Variants in WDFY3 observed in about 807,000 individuals in gnomAD.
WDFY3 encodes WD repeat and FYVE domain-containing protein 3.
WDFY3 carries 66 observed loss-of-function variants against 409.6 expected under a neutral mutation model. That is an observed-to-expected ratio of 0.16 (90% CI 0.13 to 0.20). WDFY3 has a LOEUF of 0.20. Ranked by LOEUF, WDFY3 falls within the 10% of genes least tolerant of loss-of-function variation. The pLI is 1.00. For synonymous variants in WDFY3, 1,521 were observed against 1,537.1 expected (o/e 0.99, Z 0.25); for missense variants, 3,031 against 4,298.1 (o/e 0.71, Z 8.24).
In WDFY3 at chr4:84,966,682, T is replaced by C. The variant is rs140577986; in HGVS notation, c.-699A>G. 6.4e-6 allele frequency: 1 copy of C among 156,094 alleles called. No individual in the cohort carries two copies. Among genetic ancestry groups the C allele is most frequent in the Admixed American group, 6.5e-5 (1 of 15,298 alleles). 9.7% of individuals were successfully genotyped at this position (156,094 alleles called of 1,614,324 possible). ...TCCTCCTGCTTTCTCCACCTCCCGCTGGCTGTCTGACTGACTGACTGGATC... is the reference window on the plus strand; with the variant it reads ...TCCTCCTGCTTTCTCCACCTCCCGCCGGCTGTCTGACTGACTGACTGGATC... On this transcript the variant is annotated 5_prime_UTR_variant, in exon 1 of 68. Coordinates refer to ENST00000295888, the MANE Select transcript of WDFY3 (RefSeq NM_014991.6).
intron 3 of WDFY3, among the ~76,000 whole-genome samples, chr4:84,868,823 A>C (rs565791063): frequency 9.8e-5 from 15 of 152,314 alleles, no homozygotes; most frequent in Non-Finnish European, 1.9e-4. Flanking sequence ...TAATAGTTAA[A>C]AGGCAGTTAG....
chr4:84,825,625 T>G (rs1030830382), intron 10 of WDFY3, among the ~76,000 whole-genome samples: 3 of 152,276 alleles, frequency 2.0e-5, no homozygotes, highest in Middle Eastern at 3.4e-3. Context: ...ACTTATGTAC[T>G]GAGGGCACAT....
chr4:84,752,991 A>G (rs956832201), intron 35 of WDFY3, among the ~76,000 whole-genome samples: 2 of 152,182 alleles, frequency 1.3e-5, no homozygotes, highest in Non-Finnish European at 2.9e-5. Flanking sequence ...ATGTCAACTG[A>G]ACTATTAGTT....
intron 61 of WDFY3, among the ~76,000 whole-genome samples, chr4:84,689,650 C>T (rs1004736126): frequency 1.3e-5 from 2 of 152,128 alleles, no homozygotes; most frequent in Admixed American, 1.3e-4. Context: ...TGAAGTCAGA[C>T]AGAACTTAAT....
chr4:84,696,644 G>A (rs1049984840), intron 57 of WDFY3, 88 bp downstream of exon 57: 20 of 1,317,654 alleles, frequency 1.5e-5, no homozygotes, highest in Admixed American at 1.1e-4. Flanking sequence ...TAACAAACAG[G>A]TGGTACTCTG....
chr4:84,863,084 C>T (rs552154098), intron 3 of WDFY3, among the ~76,000 whole-genome samples: 95 of 152,300 alleles, frequency 6.2e-4, no homozygotes, highest in South Asian at 1.4e-3. Context: ...GTGCTGCACA[C>T]GCACACATAC....
At chr4:84,699,440 A>T (rs1417506563) in intron 56 of WDFY3, among the ~76,000 whole-genome samples, 1 of 152,202 alleles carries the variant, frequency 6.6e-6, no homozygotes, top group Non-Finnish European at 1.5e-5. Context: ...ATATGCTACA[A>T]CTGGTTTATC....
intron 58 of WDFY3, 110 bp downstream of exon 58, chr4:84,695,860 G>C (rs1315866058): frequency 2.0e-6 from 2 of 1,016,034 alleles, no homozygotes; most frequent in Non-Finnish European, 2.9e-6. Context: ...GATATTTATG[G>C]CTCTTTATTA....
At position 84,717,024 on chromosome 4, in the gene WDFY3, C is replaced by A; in HGVS notation, c.7755-8G>T. 6.4e-7 allele frequency: 1 copy of A among 1,560,960 alleles called. No homozygotes were observed. Among genetic ancestry groups the A allele is most frequent in the Non-Finnish European group, 8.6e-7 (1 of 1,156,180 alleles). On this transcript the variant is annotated splice_region_variant and splice_polypyrimidine_tract_variant and intron_variant, in intron 48 of 67. Coordinates refer to ENST00000295888, the MANE Select transcript of WDFY3 (RefSeq NM_014991.6). ...ATAATAGGCTCATGCATACTACAGG[C>A]AGCCAAGAGAAAAAGCAAATAAAAA...
intron 3 of WDFY3, among the ~76,000 whole-genome samples, chr4:84,867,729 G>A (rs1761588747): frequency 6.6e-6 from 1 of 152,174 alleles, no homozygotes; most frequent in African/African-American, 2.4e-5. Flanking sequence ...GTAACTAGCT[G>A]CGTTTGAGTA....
rs1248682686 is a variant in WDFY3 at position 84,774,923 on chromosome 4, G to C, written c.4651C>G (p.Leu1551Val). ...REFQLIPKLL[L>V]TLRDMSLSQP... ...GATAAAGACATATCTCGAAGAGTCAGGAGCAGCTTTGGGATTAACTGGAAT... is the reference window on the plus strand; with the variant it reads ...GATAAAGACATATCTCGAAGAGTCACGAGCAGCTTTGGGATTAACTGGAAT... The change falls in exon 29 of 68, where the codon CTG becomes GTG. Residue 1551 changes from leucine to valine, a missense_variant. Coordinates refer to ENST00000295888, the MANE Select transcript of WDFY3 (RefSeq NM_014991.6). 1 of 1,613,968 alleles carries C rather than the reference G, an allele frequency of 6.2e-7. No individual in the cohort carries two copies. The highest frequency in any genetic ancestry group is 1.1e-5 in the South Asian group (1 of 91,072).
At chr4:84,830,396 T>C (rs1755527060) in intron 8 of WDFY3, among the ~76,000 whole-genome samples, 1 of 152,202 alleles carries the variant, frequency 6.6e-6, no homozygotes, top group African/African-American at 2.4e-5. Flanking sequence ...TGTTAGATGA[T>C]CTTACCCAAC....
chr4:84,830,496 C>T (rs181557893), intron 8 of WDFY3, among the ~76,000 whole-genome samples: 81 of 152,250 alleles, frequency 5.3e-4, no homozygotes, highest in African/African-American at 1.9e-3. Context: ...AATGCGTTTT[C>T]GACTTACACT....
intron 6 of WDFY3, among the ~76,000 whole-genome samples, chr4:84,840,497 C>T (rs957218417): frequency 6.6e-6 from 1 of 152,194 alleles, no homozygotes; most frequent in South Asian, 2.1e-4. Context: ...TGGCCTGGGC[C>T]TGATGGACCC....
chr4:84,741,448 G>A (rs1050020360), intron 38 of WDFY3, among the ~76,000 whole-genome samples: 2 of 151,696 alleles, frequency 1.3e-5, no homozygotes, highest in Non-Finnish European at 2.9e-5. Flanking sequence ...CCAAGTAGCT[G>A]GAATTACAGG....
intron 7 of WDFY3, among the ~76,000 whole-genome samples, chr4:84,836,602 A>G (rs569088355): frequency 6.6e-6 from 1 of 152,166 alleles, no homozygotes; most frequent in African/African-American, 2.4e-5. Context: ...ACATTATAAG[A>G]AATATTATCC....
At position 84,741,843 on chromosome 4, in the gene WDFY3, C is replaced by T. The variant is rs368178527; in HGVS notation, c.6152G>A (p.Arg2051His). 3.7e-6 allele frequency: 6 copies of T among 1,613,302 alleles called. No homozygotes were observed. The highest frequency in any genetic ancestry group is 2.2e-5 in the East Asian group (1 of 44,858). Reference protein sequence around the residue: ...LVNNVFYFTQRVVDKLWQGMF... With the variant: ...LVNNVFYFTQHVVDKLWQGMF... ...GCCTTGCCAAAGCTTGTCCACCACACGCTGTGTGAAATAAAACACATTGTT... is the reference window on the plus strand; with the variant it reads ...GCCTTGCCAAAGCTTGTCCACCACATGCTGTGTGAAATAAAACACATTGTT... Residue 2051 changes from arginine to histidine, a missense_variant, in exon 38 of 68, where the codon CGT (arginine) becomes CAT (histidine). Around this residue, in one of 16 missense-constraint regions of WDFY3, gnomAD observed 314 missense variants for 397.4 expected, o/e 0.79. Transcript: ENST00000295888.
In WDFY3 at chr4:84,789,859, C is replaced by G. The variant is rs904682109; in HGVS notation, c.3536G>C (p.Cys1179Ser). Residue 1179 changes from cysteine (C) to serine (S), a missense_variant, in exon 22 of 68, where the codon TGT becomes TCT. Cys to Ser is a moderately radical substitution (Grantham distance 112). This residue lies in a region of WDFY3 where 1,322 missense variants were observed against 1,697.9 expected (regional missense o/e 0.78). Coordinates refer to ENST00000295888, the MANE Select transcript of WDFY3 (RefSeq NM_014991.6). The stretch of plus-strand genomic sequence containing the variant: ...AAGCTCTCCACATCGAAAGCGAGCA[C>G]AGCATGGGAGAATTTCATAAAATGA... ...ESSFYEILPC[C>S]ARFRCGELII... The G allele has an allele frequency of 6.2e-7, 1 of 1,614,022 alleles. No individual in the cohort carries two copies. Among genetic ancestry groups the G allele is most frequent in the Non-Finnish European group, 8.5e-7 (1 of 1,180,020 alleles).
At chr4:84,921,823 A>G (rs1769329696) in intron 2 of WDFY3, among the ~76,000 whole-genome samples, 1 of 151,110 alleles carries the variant, frequency 6.6e-6, no homozygotes, top group South Asian at 2.1e-4. Context: ...CGCCCGGCTA[A>G]TTTTTACATT....
Sources: allele counts gnomAD v4.1 joint callset (sites outside exome capture counted in the v4.1 genomes callset), GRCh38; gene constraint gnomAD v4.1.1; regional missense constraint gnomAD v4.1.1; transcripts MANE v1.5; gene names NCBI Gene and HGNC (gene_info 2026-07-23, HGNC 2026-07-21).